Variants in CPQ observed in about 807,000 individuals in gnomAD.
CPQ encodes the protein carboxypeptidase Q, also known as Ser-Met dipeptidase.
A neutral mutation model predicts 45.7 loss-of-function variants in CPQ; 37 were observed. The ratio of observed to expected loss-of-function variants is 0.81; its 90% CI spans 0.62 to 1.07. The LOEUF is 1.07. Ranked by LOEUF, CPQ falls within the 50% of genes least tolerant of loss-of-function variation. CPQ has a pLI of 0.00. For missense variants in CPQ, 537 were observed against 572.9 expected (o/e 0.94, Z 0.64); for synonymous variants, 186 against 205.8 (o/e 0.90, Z 0.82).
chr8:96,690,302 G>C (rs1178614971), intron 1 of CPQ, among the ~76,000 whole-genome samples: 1 of 152,052 alleles, frequency 6.6e-6, no homozygotes, highest in African/African-American at 2.4e-5. Context: ...TTCTGGATCA[G>C]CTACCTGTAA....
At chr8:97,025,214 G>GA (rs951927433) in intron 5 of CPQ, among the ~76,000 whole-genome samples, 55 of 151,526 alleles carry the variant, frequency 3.6e-4, no homozygotes, top group Admixed American at 9.8e-4. Flanking sequence ...TAAGAATAAT[G>GA]AAAAAAAAGT....
At chr8:96,824,331 A>C (rs1042859360) in intron 2 of CPQ, among the ~76,000 whole-genome samples, 3 of 152,080 alleles carry the variant, frequency 2.0e-5, no homozygotes, top group Non-Finnish European at 4.4e-5. Flanking sequence ...TAGGGACATA[A>C]GGATTACATT....
chr8:96,854,512 C>T (rs1386580839), intron 3 of CPQ, among the ~76,000 whole-genome samples: 1 of 53,770 alleles, frequency 1.9e-5, no homozygotes, highest in African/African-American at 7.5e-5. Context: ...GCCTGGGCGA[C>T]AGAGCGAGAC....
At chr8:96,760,770 A>G (rs191838599) in intron 1 of CPQ, among the ~76,000 whole-genome samples, 224 of 152,334 alleles carry the variant, frequency 1.5e-3, no homozygotes, top group African/African-American at 5.1e-3. Context: ...AAACCAGCAG[A>G]AACACATTGG....
At chr8:97,066,239 T>C in intron 7 of CPQ, 29 bp downstream of exon 7, 1 of 1,582,028 alleles carries the variant, frequency 6.3e-7, no homozygotes. Flanking sequence ...GTTGTGTTCC[T>C]TATATATTGC....
intron 5 of CPQ, among the ~76,000 whole-genome samples, chr8:97,017,352 G>T (rs1035044452): frequency 2.0e-5 from 3 of 152,202 alleles, no homozygotes; most frequent in African/African-American, 7.2e-5. Context: ...GCCACAGGGA[G>T]AAGGAAACCT....
At chr8:96,998,603 G>A (rs764485803) in intron 5 of CPQ, among the ~76,000 whole-genome samples, 1 of 151,894 alleles carries the variant, frequency 6.6e-6, no homozygotes, top group Non-Finnish European at 1.5e-5. Context: ...TGCCAAGCAA[G>A]ATGAAAATTT....
intron 7 of CPQ, among the ~76,000 whole-genome samples, chr8:97,080,220 A>G (rs956564924): frequency 6.6e-6 from 1 of 152,190 alleles, no homozygotes; most frequent in Non-Finnish European, 1.5e-5. Context: ...AGCCCCACAT[A>G]GCATTGCATT....
chr8:97,064,307 G>A (rs1810601057), intron 6 of CPQ, among the ~76,000 whole-genome samples: 1 of 152,166 alleles, frequency 6.6e-6, no homozygotes, highest in Non-Finnish European at 1.5e-5. Context: ...GCATAGAAGG[G>A]AAGAGGCTTA....
chr8:97,068,876 C>T (rs982028834), intron 7 of CPQ, among the ~76,000 whole-genome samples: 3 of 152,158 alleles, frequency 2.0e-5, no homozygotes, highest in African/African-American at 7.2e-5. Flanking sequence ...GCCATTTTGG[C>T]TTCAAGGCTG....
chr8:96,986,237 G>T (rs1202578147), intron 5 of CPQ, among the ~76,000 whole-genome samples: 1 of 152,146 alleles, frequency 6.6e-6, no homozygotes, highest in Non-Finnish European at 1.5e-5. Flanking sequence ...CTAGCACAAG[G>T]AGTATCATAC....
At chr8:96,789,754 A>C (rs1810822596) in intron 2 of CPQ, among the ~76,000 whole-genome samples, 1 of 152,214 alleles carries the variant, frequency 6.6e-6, no homozygotes, top group Non-Finnish European at 1.5e-5. Flanking sequence ...TATTTTCTCC[A>C]GGGTCAGAAT....
At chr8:97,066,348 CT>C in intron 7 of CPQ, 138 bp downstream of exon 7, 1 of 722,336 alleles carries the variant, frequency 1.4e-6, no homozygotes, top group South Asian at 1.9e-5. Context: ...AAGGTATAAT[CT>C]GATGATTTCT....
At chr8:97,015,360 C>T (rs1229874334) in intron 5 of CPQ, among the ~76,000 whole-genome samples, 3 of 151,512 alleles carry the variant, frequency 2.0e-5, no homozygotes, top group African/African-American at 7.3e-5. Flanking sequence ...CTACATGATA[C>T]TAGCATTATC....
Position 97,053,926 on chromosome 8 carries a change from T to A in CPQ, c.1054-12083T>A, listed in dbSNP as rs565636678. ...ACAGAATCTGATGGTGGATTGCATA[T>A]GGAGTATGAGAGAAATAGAGGAGTC... On this transcript the variant is annotated intron_variant, in intron 6 of 7. Transcript: ENST00000220763. Among the ~76,000 whole-genome samples the A allele has an allele frequency of 3.3e-5, 5 of 152,022 alleles. No homozygotes were observed. In the East Asian group the frequency reaches 9.7e-4, roughly 29 times the overall value.
chr8:97,092,046 C>G (rs112035737), intron 7 of CPQ, among the ~76,000 whole-genome samples: 3 of 152,128 alleles, frequency 2.0e-5, no homozygotes, highest in Non-Finnish European at 2.9e-5. Flanking sequence ...TATGTACATA[C>G]GTACATATGC....
At chr8:97,042,746 C>G (rs1212812625) in intron 6 of CPQ, among the ~76,000 whole-genome samples, 1 of 151,528 alleles carries the variant, frequency 6.6e-6, no homozygotes, top group Non-Finnish European at 1.5e-5. Flanking sequence ...GTTATGTACC[C>G]AGTAGTCATT....
At chr8:97,100,956 A>C (rs1811294157) in intron 7 of CPQ, among the ~76,000 whole-genome samples, 1 of 152,238 alleles carries the variant, frequency 6.6e-6, no homozygotes, top group South Asian at 2.1e-4. Flanking sequence ...TGATTAAATT[A>C]TTGTATATTA....
Position 96,989,611 on chromosome 8 carries a change from C to A in CPQ, c.961+23565C>A, listed in dbSNP as rs76156501. On this transcript the variant is annotated intron_variant, in intron 5 of 7. Transcript: ENST00000220763. ...TCCTGGAATCAAAATAATGGTGAGCCTCAGCATCTAACATCAAACACCCAG... is the reference window on the plus strand; with the variant it reads ...TCCTGGAATCAAAATAATGGTGAGCATCAGCATCTAACATCAAACACCCAG... Among the ~76,000 whole-genome samples, 39 of 152,226 alleles carry A rather than the reference C, an allele frequency of 2.6e-4. No individual in the cohort carries two copies. In the East Asian group the frequency reaches 5.4e-3, roughly 21 times the overall value.
Sources: allele counts gnomAD v4.1 joint callset (sites outside exome capture counted in the v4.1 genomes callset), GRCh38; gene constraint gnomAD v4.1.1; transcripts MANE v1.5; gene names NCBI Gene and HGNC (gene_info 2026-07-23, HGNC 2026-07-21).